Variants in SNX29 observed in about 807,000 individuals in gnomAD.
SNX29 encodes sorting nexin 29.
Under a neutral mutation model 102.1 loss-of-function variants are expected in SNX29, and 78 were observed. The ratio of observed to expected loss-of-function variants is 0.76; its 90% confidence interval spans 0.64 to 0.92. The LOEUF (loss-of-function observed/expected upper bound fraction) is 0.92, where lower values mean the gene tolerates loss of function less well. Among genes scored for constraint, SNX29 ranks in the 40% least tolerant of loss-of-function variants. SNX29 has a pLI of 0.00. For missense variants in SNX29, 1,280 were observed against 1,061.7 expected, an observed-to-expected ratio of 1.21 and a Z score of -2.86; for synonymous variants, 580 against 414.5, an observed-to-expected ratio of 1.40 and a Z score of -4.85.
chr16:12,568,727 C>CG lies in SNX29; in HGVS notation c.*98_*99insG, dbSNP rs2141572340. The CG allele has an allele frequency of 2.0e-6, 3 of 1,505,192 alleles. No homozygotes were observed. The highest frequency in any genetic ancestry group is 2.4e-5 in the East Asian group (1 of 42,404). 93.2% of individuals were successfully genotyped at this position (1,505,192 alleles called of 1,614,324 possible). A position where few individuals can be genotyped will look rare whatever the true frequency, so the allele number is the denominator to read the frequency against. ...CCTCACCTCAGCGTGACAACCACGT[C>CG]CACCTGGTGATCCTGAGAGCACACG... On this transcript the variant is annotated 3_prime_UTR_variant, in exon 21 of 21. Transcript: ENST00000566228.
intron 4 of SNX29, among the ~76,000 whole-genome samples, chr16:12,035,109 C>T (rs2151149296): frequency 6.6e-6 from 1 of 152,094 alleles, no homozygotes; most frequent in Admixed American, 6.5e-5. Context: ...TTGCTTTGCT[C>T]CTTTCAGAAT....
At chr16:12,097,639 A>G (rs1357273330) in intron 11 of SNX29, among the ~76,000 whole-genome samples, 1 of 151,682 alleles carries the variant, frequency 6.6e-6, no homozygotes, top group African/African-American at 2.4e-5. Context: ...TAATTTGTTT[A>G]CAGACTTTCA....
chr16:12,324,967 T>A (rs918148060), intron 15 of SNX29, among the ~76,000 whole-genome samples: 1 of 151,310 alleles, frequency 6.6e-6, no homozygotes, highest in African/African-American at 2.4e-5. Flanking sequence ...CTCAGGAGGG[T>A]TTTTTCTCCC....
intron 3 of SNX29, among the ~76,000 whole-genome samples, chr16:12,018,784 C>T (rs1367356493): frequency 2.6e-4 from 38 of 146,742 alleles, no homozygotes; most frequent in Non-Finnish European, 4.2e-4. Flanking sequence ...AATGCGGTCT[C>T]GCGATATTGC....
intron 20 of SNX29, among the ~76,000 whole-genome samples, chr16:12,535,313 A>AC (rs1031516129): frequency 6.6e-6 from 1 of 152,018 alleles, no homozygotes; most frequent in African/African-American, 2.4e-5. Context: ...TAATTTTTGT[A>AC]TTTTTAGTAG....
Position 12,242,088 on chromosome 16 carries a change from G to T in SNX29, c.1679-35845G>T, listed in dbSNP as rs77500102. On this transcript the variant is annotated intron_variant, in intron 14 of 20. Transcript: ENST00000566228. ...TGGAGTCAGGCCTGGGGTAAAGTCA[G>T]TGGAATGTGAGAGCTGGGGAGAATT... Among the ~76,000 whole-genome samples the T allele has an allele frequency of 2.9e-3, 445 of 152,206 alleles. 2 individuals are homozygous for T. Among genetic ancestry groups the T allele is most frequent in the African/African-American group, 0.01 (421 of 41,520 alleles).
chr16:12,486,778 G>T (rs531829846), intron 19 of SNX29, among the ~76,000 whole-genome samples: 1 of 152,278 alleles, frequency 6.6e-6, no homozygotes, highest in Admixed American at 6.5e-5. Context: ...CTGTCTCTCC[G>T]CCCACACCCA....
At chr16:12,109,602 T>C (rs978230981) in intron 11 of SNX29, among the ~76,000 whole-genome samples, 2 of 152,082 alleles carry the variant, frequency 1.3e-5, no homozygotes, top group Non-Finnish European at 1.5e-5. Context: ...GGGACCCTCA[T>C]GCATGCACCA....
In SNX29 at chr16:12,518,043, C is replaced by T. The variant is rs564582110; in HGVS notation, c.2179-6659C>T. Among the ~76,000 whole-genome samples, 82 of 152,256 alleles carry T rather than the reference C, an allele frequency of 5.4e-4. No homozygotes were observed. The South Asian group carries it at 0.015, about 27-fold the overall frequency. On this transcript the variant is annotated intron_variant, in intron 19 of 20. Transcript: ENST00000566228. The stretch of plus-strand genomic sequence containing the variant: ...GTGACGTGAAGAGAGGTTAGCAAGG[C>T]GTGCTGCGGCCACGCGGCAAGGTTC...
At chr16:12,075,794 C>G in intron 10 of SNX29, among the ~76,000 whole-genome samples, 1 of 152,048 alleles carries the variant, frequency 6.6e-6, no homozygotes, top group South Asian at 2.1e-4. Context: ...GCAGGCAGGC[C>G]TCCTTGAGCT....
intron 20 of SNX29, among the ~76,000 whole-genome samples, chr16:12,562,416 C>T (rs150682821): frequency 6.6e-6 from 1 of 152,144 alleles, no homozygotes; most frequent in Admixed American, 6.5e-5. Flanking sequence ...TACAATTTAC[C>T]CACTTAAAGT....
chr16:12,026,876 G>C (rs2057205783), intron 3 of SNX29, among the ~76,000 whole-genome samples: 1 of 152,118 alleles, frequency 6.6e-6, no homozygotes, highest in Non-Finnish European at 1.5e-5. Context: ...TTGGCAGCCT[G>C]GTGAATTCAG....
chr16:12,551,751 C>T (rs952315249), intron 20 of SNX29, among the ~76,000 whole-genome samples: 2 of 152,240 alleles, frequency 1.3e-5, no homozygotes, highest in African/African-American at 4.8e-5. Flanking sequence ...TACTTCCTGG[C>T]TGCCTTGTAC....
intron 19 of SNX29, among the ~76,000 whole-genome samples, chr16:12,524,253 C>G (rs958384785): frequency 6.6e-6 from 1 of 152,068 alleles, no homozygotes; most frequent in Non-Finnish European, 1.5e-5. Flanking sequence ...CCCCTGAAGG[C>G]AAAATTAAGC....
intron 13 of SNX29, among the ~76,000 whole-genome samples, chr16:12,176,279 C>T (rs1234990781): frequency 1.3e-5 from 2 of 152,230 alleles, no homozygotes; most frequent in African/African-American, 4.8e-5. Flanking sequence ...TGTCTCTTCT[C>T]CCAGCTTTTG....
chr16:12,260,308 T>C (rs1232312735), intron 14 of SNX29, among the ~76,000 whole-genome samples: 1 of 152,206 alleles, frequency 6.6e-6, no homozygotes, highest in Non-Finnish European at 1.5e-5. Flanking sequence ...AGGGATACAT[T>C]CTGGATTTCC....
intron 13 of SNX29, among the ~76,000 whole-genome samples, chr16:12,167,006 G>A (rs559279758): frequency 6.6e-6 from 1 of 152,298 alleles, no homozygotes; most frequent in East Asian, 1.9e-4. Context: ...GTAAACTGGG[G>A]ACTTTCTGTT....
At chr16:12,120,419 T>C (rs2053923664) in intron 11 of SNX29, among the ~76,000 whole-genome samples, 1 of 152,230 alleles carries the variant, frequency 6.6e-6, no homozygotes, top group Non-Finnish European at 1.5e-5. Flanking sequence ...AGAGTGTGTG[T>C]GCGCACACAT....
At chr16:12,084,880 C>A (rs1188498452) in intron 11 of SNX29, among the ~76,000 whole-genome samples, 2 of 151,940 alleles carry the variant, frequency 1.3e-5, no homozygotes, top group South Asian at 2.1e-4. Context: ...ACTAGCCAGG[C>A]CAACATAGTG....
Sources: gnomAD v4.1 joint callset for allele counts (sites outside exome capture counted in the v4.1 genomes callset) on GRCh38, gnomAD v4.1.1 for gene constraint, MANE v1.5 for transcripts, NCBI Gene and HGNC (gene_info 2026-07-23, HGNC 2026-07-21) for gene names.